Variants in ASB5 observed in about 807,000 individuals in gnomAD.
ASB5 encodes ankyrin repeat and SOCS box protein 5.
In ASB5, 45 loss-of-function variants were observed where a neutral mutation model predicts 42.1. That is an observed-to-expected ratio of 1.07 (90% CI 0.84 to 1.37). The LOEUF is 1.37. ASB5 is among the 40% of genes most tolerant of loss of function. ASB5 has a pLI of 0.00. For synonymous variants in ASB5, 147 were observed against 150.6 expected (o/e 0.98, Z 0.18); for missense variants, 402 against 399.8 (o/e 1.01, Z -0.05).
chr4:176,270,806 G>A (rs911182341), upstream of ASB5, among the ~76,000 whole-genome samples: 1 of 152,138 alleles, frequency 6.6e-6, no homozygotes, highest in Non-Finnish European at 1.5e-5. Flanking sequence ...GCATGATGAT[G>A]CCTGACTCCA....
At chr4:176,237,173 A>G in intron 1 of ASB5, 1 of 624,882 alleles carries the variant, frequency 1.6e-6, no homozygotes, top group Non-Finnish European at 2.0e-6. Context: ...GCCATGCCAT[A>G]CATGTGCATT....
At chr4:176,218,491 AAT>A (rs1323208693) in intron 5 of ASB5, among the ~76,000 whole-genome samples, 1 of 90,472 alleles carries the variant, frequency 1.1e-5, no homozygotes, top group African/African-American at 4.3e-5. Flanking sequence ...ATGATATATA[AAT>A]ATATATATTT....
chr4:176,272,295 C>T (rs573331665), upstream of ASB5, among the ~76,000 whole-genome samples: 91 of 152,282 alleles, frequency 6.0e-4, no homozygotes, highest in African/African-American at 2.0e-3. Context: ...GCGGTTTTTG[C>T]AACTGCTTTT....
intron 1 of ASB5, among the ~76,000 whole-genome samples, chr4:176,234,014 A>G (rs1753619028): frequency 1.3e-5 from 2 of 152,136 alleles, no homozygotes; most frequent in South Asian, 2.1e-4. Flanking sequence ...TTTTGCCTCT[A>G]TCATTTAAAT....
chr4:176,264,559 A>T (rs1355939557), intron 1 of ASB5, among the ~76,000 whole-genome samples: 1 of 152,142 alleles, frequency 6.6e-6, no homozygotes, highest in Non-Finnish European at 1.5e-5. Flanking sequence ...CAAATGCAAG[A>T]CTAGAATTCA....
intron 1 of ASB5, among the ~76,000 whole-genome samples, chr4:176,258,049 C>T (rs1450764735): frequency 1.3e-5 from 2 of 152,154 alleles, no homozygotes; most frequent in African/African-American, 2.4e-5. Flanking sequence ...GTTAATGTTA[C>T]TATCTTTTCC....
rs1343314855 is a variant in ASB5 at position 176,214,859 on chromosome 4, T to A, written c.*741A>T. 2.6e-5 allele frequency: 4 copies of A among 152,064 alleles called. No homozygotes were observed. The highest frequency in any genetic ancestry group is 5.9e-5 in the Non-Finnish European group (4 of 68,004). 9.4% of individuals were successfully genotyped at this position (152,064 alleles called of 1,614,324 possible). A position where few individuals can be genotyped will look rare whatever the true frequency, so the allele number is the denominator to read the frequency against. On this transcript the variant is annotated 3_prime_UTR_variant, in exon 7 of 7. Transcript: ENST00000296525. ...TGCATATAACCGCCTTGATAAGAGATCATCAGGGGCTACTCCTGAGAAGGA... is the reference window on the plus strand; with the variant it reads ...TGCATATAACCGCCTTGATAAGAGAACATCAGGGGCTACTCCTGAGAAGGA...
At chr4:176,274,758 G>T (rs1385105044) in intron 2 of ASB5, among the ~76,000 whole-genome samples, 1 of 152,010 alleles carries the variant, frequency 6.6e-6, no homozygotes, top group Non-Finnish European at 1.5e-5. Flanking sequence ...TTAAGAATTT[G>T]TTCTAACCAT....
At chr4:176,258,530 C>T (rs932397858) in intron 1 of ASB5, among the ~76,000 whole-genome samples, 1 of 152,158 alleles carries the variant, frequency 6.6e-6, no homozygotes, top group Non-Finnish European at 1.5e-5. Context: ...ATTTTCTTCT[C>T]CATAATAAAA....
At chr4:176,237,739 C>G (rs762818450) in intron 1 of ASB5, among the ~76,000 whole-genome samples, 1 of 152,198 alleles carries the variant, frequency 6.6e-6, no homozygotes, top group Non-Finnish European at 1.5e-5. Flanking sequence ...AATTGCTTTT[C>G]CTAGTCGAAA....
At chr4:176,237,176 T>A (rs1208686799) in intron 1 of ASB5, 5 of 644,220 alleles carry the variant, frequency 7.8e-6, no homozygotes, top group Non-Finnish European at 9.6e-6. Context: ...ATGCCATACA[T>A]GTGCATTTCA....
At chr4:176,229,430 A>G (rs1412428045) in intron 1 of ASB5, among the ~76,000 whole-genome samples, 1 of 152,158 alleles carries the variant, frequency 6.6e-6, no homozygotes, top group African/African-American at 2.4e-5. Flanking sequence ...TCCCTTGCAT[A>G]CTAATGTGTT....
At chr4:176,259,090 G>T (rs73009204) in intron 1 of ASB5, among the ~76,000 whole-genome samples, 1,849 of 152,132 alleles carry the variant, frequency 0.012, 43 homozygotes, top group African/African-American at 0.042. Flanking sequence ...ACTATGGTGG[G>T]TGGGAGAGAG....
Position 176,221,748 on chromosome 4 carries a change from T to G in ASB5, c.385-148A>C, listed in dbSNP as rs139542032. 4 of 727,256 alleles carry G rather than the reference T, an allele frequency of 5.5e-6. No homozygotes were observed. In the African/African-American group the frequency reaches 7.1e-5, roughly 13 times the overall value. 45.1% of individuals were successfully genotyped at this position (727,256 alleles called of 1,614,324 possible). On this transcript the variant is annotated intron_variant, in intron 3 of 6. Transcript: ENST00000296525. ...TATGACAAAGTATACTTTGCTCTTA[T>G]GCATTAACAAGAAAAGCTGTAAAAC...
intron 3 of ASB5, 152 bp downstream of exon 3, chr4:176,222,161 C>T (rs1331513371): frequency 4.4e-6 from 3 of 681,824 alleles, no homozygotes; most frequent in Non-Finnish European, 7.4e-6. Context: ...TTTTAGAGTG[C>T]AATAAGAAGA....
chr4:176,264,729 A>G (rs1013734075), intron 1 of ASB5, among the ~76,000 whole-genome samples: 4 of 152,054 alleles, frequency 2.6e-5, no homozygotes, highest in East Asian at 1.9e-4. Context: ...CAGTCTTCTG[A>G]TTGACATGTT....
chr4:176,255,802 T>A (rs537685901), intron 1 of ASB5, among the ~76,000 whole-genome samples: 10 of 152,236 alleles, frequency 6.6e-5, no homozygotes, highest in Admixed American at 6.5e-4. Context: ...AACCCAAACC[T>A]CAGCATCATA....
At chr4:176,248,952 GT>G (rs1237709913) in intron 1 of ASB5, among the ~76,000 whole-genome samples, 2 of 151,984 alleles carry the variant, frequency 1.3e-5, no homozygotes, top group African/African-American at 4.8e-5. Flanking sequence ...TGTTATACAG[GT>G]TTACATTTTG....
upstream of ASB5, among the ~76,000 whole-genome samples, chr4:176,270,894 G>A (rs370666794): frequency 3.2e-4 from 49 of 152,042 alleles, no homozygotes; most frequent in Non-Finnish European, 5.7e-4. Context: ...TCAGTGCTTC[G>A]GGATCAGAAA....
Sources: gnomAD v4.1 joint callset for allele counts (sites outside exome capture counted in the v4.1 genomes callset) on GRCh38, gnomAD v4.1.1 for gene constraint, MANE v1.5 for transcripts, NCBI Gene and HGNC (gene_info 2026-07-23, HGNC 2026-07-21) for gene names.